CCKBR: variants seen among roughly 807,000 people sequenced by gnomAD.
The protein encoded by CCKBR is gastrin/cholecystokinin type B receptor.
CCKBR carries 33 observed loss-of-function variants against 34.6 expected under a neutral mutation model. The observed-to-expected ratio is 0.95, with a 90% CI of 0.72 to 1.27. CCKBR has a LOEUF of 1.27. Among genes scored for constraint, CCKBR ranks in the 50% most tolerant of loss-of-function variants. CCKBR has a pLI of 0.00. For missense variants in CCKBR, 652 were observed against 617.4 expected (o/e 1.06, Z -0.59); for synonymous variants, 269 against 267.5 (o/e 1.01, Z -0.06).
intron 3 of CCKBR, 41 bp from the exon 4 acceptor site, chr11:6,270,602 ACAG>A (rs1267549088): frequency 3.9e-6 from 6 of 1,545,342 alleles, no homozygotes; most frequent in Non-Finnish European, 1.8e-6. Context: ...ATCTGTGATT[ACAG>A]CTGGACAGAA....
At chr11:6,269,024 T>C (rs1461887693) in intron 1 of CCKBR, among the ~76,000 whole-genome samples, 1 of 151,708 alleles carries the variant, frequency 6.6e-6, no homozygotes. Context: ...ATTCAAGAAA[T>C]TGAGTCATCC....
intron 1 of CCKBR, among the ~76,000 whole-genome samples, chr11:6,269,240 G>T (rs1333233575): frequency 6.7e-6 from 1 of 150,316 alleles, no homozygotes; most frequent in Non-Finnish European, 1.5e-5. Flanking sequence ...CAACAGTGTA[G>T]AATACTCTAG....
rs1311295596 is a variant in CCKBR, at chr11:6,260,000, G to C, written c.72G>C (p.Pro24=). The C allele has an allele frequency of 3.8e-6, 6 of 1,584,658 alleles. No homozygotes were observed. The East Asian group carries it at 7.2e-5, about 19-fold the overall frequency. The change falls in exon 1 of 5, where the codon CCG becomes CCC. Residue 24 remains proline (P), a synonymous_variant. Coordinates refer to ENST00000334619, the MANE Select transcript of CCKBR (RefSeq NM_176875.4). ...GGCCGGGGGCTTCCCTGTGCCGCCC[G>C]GGGGCGCCTCTCCTCAACAGCAGCA... is the stretch of plus-strand genomic sequence containing the variant. The part of the protein sequence containing the change: ...GPGPGASLCR[P]GAPLLNSSSV...
intron 1 of CCKBR, among the ~76,000 whole-genome samples, chr11:6,266,976 T>C (rs1848218857): frequency 6.6e-6 from 1 of 152,236 alleles, no homozygotes; most frequent in South Asian, 2.1e-4. Flanking sequence ...TGTATTTGTG[T>C]ATCTAAACAT....
At position 6,269,805 on chromosome 11, in the gene CCKBR, G is replaced by A. The variant is rs1848265303; in HGVS notation, c.288G>A (p.Leu96=). Reference sequence around the variant, plus strand: ...TCACCAATGCCTTCCTCCTCTCACTGGCAGTCAGCGACCTCCTGCTGGCTG... The same window carrying A: ...TCACCAATGCCTTCCTCCTCTCACTAGCAGTCAGCGACCTCCTGCTGGCTG... The part of the protein sequence containing the change: ...RTVTNAFLLS[L]AVSDLLLAVA... The change falls in exon 2 of 5, where the codon CTG becomes CTA. Residue 96 remains leucine (L), a synonymous_variant. Coordinates refer to ENST00000334619, the MANE Select transcript of CCKBR (RefSeq NM_176875.4). The A allele has an allele frequency of 6.2e-7, 1 of 1,614,016 alleles. No individual in the cohort carries two copies. Among genetic ancestry groups the A allele is most frequent in the African/African-American group, 1.3e-5 (1 of 74,896 alleles).
At chr11:6,261,395 CA>C (rs1432160230) in intron 1 of CCKBR, among the ~76,000 whole-genome samples, 1 of 83,504 alleles carries the variant, frequency 1.2e-5, no homozygotes, top group Admixed American at 1.3e-4. Context: ...GCTACAAAGT[CA>C]AAAAAATTAG....
At chr11:6,269,556 G>A in intron 1 of CCKBR, 113 bp from the exon 2 acceptor site, 2 of 1,214,286 alleles carry the variant, frequency 1.6e-6, no homozygotes, top group Non-Finnish European at 1.2e-6. Flanking sequence ...GTTCATCGGT[G>A]GGGAATGTAG....
rs548120611 is a variant in CCKBR, at chr11:6,268,871, C to A, written c.152-798C>A. Among the ~76,000 whole-genome samples, 3 of 152,252 alleles carry A rather than the reference C, an allele frequency of 2.0e-5. No individual in the cohort carries two copies. In the East Asian group the frequency reaches 5.8e-4, roughly 29 times the overall value. ...AGTAGCAGTCAATTTGAGTCTTGAC[C>A]AACAAGGGATGAATAGGAATTCACC... On this transcript the variant is annotated intron_variant, in intron 1 of 4. Transcript: ENST00000334619.
At chr11:6,270,897 G>T (rs1160158750) in intron 4 of CCKBR, 94 bp downstream of exon 4, 1 of 1,610,938 alleles carries the variant, frequency 6.2e-7, no homozygotes, top group East Asian at 2.2e-5. Context: ...ATGAAGGTGA[G>T]GGTGAGAAGG....
rs10839536 is a variant in CCKBR, at chr11:6,271,608, G to A, written c.*65G>A. On this transcript the variant is annotated 3_prime_UTR_variant, in exon 5 of 5. Transcript: ENST00000334619. ...CATGCACTGACCCTTCCAGACATAC[G>A]AAACACAAACCACAACTGACACAGG... The A allele has an allele frequency of 0.9, 1,310,883 of 1,451,486 alleles. 594,387 individuals carry two copies. The highest frequency in any genetic ancestry group is 0.94 in the East Asian group (40,669 of 43,146). 89.9% of individuals were successfully genotyped at this position (1,451,486 alleles called of 1,614,324 possible).
intron 1 of CCKBR, among the ~76,000 whole-genome samples, chr11:6,262,722 G>GAA (rs66526838): frequency 0.13 from 15,044 of 119,162 alleles, 1,174 homozygotes; most frequent in East Asian, 0.25. Context: ...GAGAGAGAGA[G>GAA]AGAAAGAAAA....
Position 6,269,900 on chromosome 11 carries a change from A to G in CCKBR, c.383A>G (p.Lys128Arg), listed in dbSNP as rs754661690. 7 of 1,614,048 alleles carry G rather than the reference A, an allele frequency of 4.3e-6. No homozygotes were observed. The South Asian group carries it at 7.7e-5, about 18-fold the overall frequency. ...TTCATCTTTGGCACCGTCATCTGCAAGGCGGTTTCCTACCTCATGGGTGGG... is the reference window on the plus strand; with the variant it reads ...TTCATCTTTGGCACCGTCATCTGCAGGGCGGTTTCCTACCTCATGGGTGGG... ...GTFIFGTVIC[K>R]AVSYLMGVSV... Residue 128 changes from lysine (K) to arginine (R), a missense_variant, in exon 2 of 5, where the codon AAG becomes AGG. Coordinates refer to ENST00000334619, the MANE Select transcript of CCKBR (RefSeq NM_176875.4).
chr11:6,261,462 TACACAC>T (rs60678871), intron 1 of CCKBR, among the ~76,000 whole-genome samples: 6 of 64,004 alleles, frequency 9.4e-5, no homozygotes, highest in East Asian at 6.4e-4. Context: ...AAAATATATA[TACACAC>T]ACACACACAC....
intron 1 of CCKBR, among the ~76,000 whole-genome samples, chr11:6,268,204 G>A (rs1590670274): frequency 6.6e-6 from 1 of 152,130 alleles, no homozygotes; most frequent in Non-Finnish European, 1.5e-5. Context: ...CCAAAACATC[G>A]TTATTCAGTG....
At chr11:6,263,295 T>A (rs1220061208) in intron 1 of CCKBR, among the ~76,000 whole-genome samples, 1 of 152,184 alleles carries the variant, frequency 6.6e-6, no homozygotes, top group African/African-American at 2.4e-5. Context: ...TTTCATTTTA[T>A]TATTATCCAC....
At chr11:6,265,612 A>G (rs1848198402) in intron 1 of CCKBR, among the ~76,000 whole-genome samples, 2 of 152,182 alleles carry the variant, frequency 1.3e-5, no homozygotes, top group African/African-American at 2.4e-5. Context: ...ATAAACCACC[A>G]GCTCTTTTCT....
chr11:6,266,190 A>G (rs544366069), intron 1 of CCKBR, among the ~76,000 whole-genome samples: 1 of 152,246 alleles, frequency 6.6e-6, no homozygotes, highest in East Asian at 1.9e-4. Flanking sequence ...TTGAGATTTG[A>G]TTAAGAAGGA....
chr11:6,264,703 C>T (rs1848185274), intron 1 of CCKBR: 1 of 564,672 alleles, frequency 1.8e-6, no homozygotes, highest in South Asian at 2.2e-5. Flanking sequence ...ACTCATATTC[C>T]ACCATGCAAA....
intron 2 of CCKBR, 78 bp from the exon 3 acceptor site, chr11:6,270,010 G>A (rs766339407): frequency 5.7e-6 from 9 of 1,590,470 alleles, no homozygotes; most frequent in Non-Finnish European, 7.7e-6. Context: ...TGGCAGGGAG[G>A]GGTGTGAGGA....
Sources: gnomAD v4.1 joint callset for allele counts (sites outside exome capture counted in the v4.1 genomes callset) on GRCh38, gnomAD v4.1.1 for gene constraint, MANE v1.5 for transcripts, NCBI Gene and HGNC (gene_info 2026-07-23, HGNC 2026-07-21) for gene names.